Variants in IL1RAPL1 observed in about 807,000 individuals in gnomAD.
The protein encoded by IL1RAPL1 is interleukin 1 receptor accessory protein like 1, also known as interleukin-1 receptor accessory protein-like 1.
A neutral mutation model predicts 48.4 loss-of-function variants in IL1RAPL1; 3 were observed. The observed-to-expected ratio is 0.06, with a 90% CI of 0.03 to 0.16. The LOEUF is 0.16. IL1RAPL1 is among the 10% of genes least tolerant of loss of function. The probability of loss-of-function intolerance (pLI) is 1.00; values close to 1 mark genes in which losing one functional copy is unlikely to be tolerated. For synonymous variants in IL1RAPL1, 185 were observed against 187.7 expected, an observed-to-expected ratio of 0.99 and a Z score of 0.12; for missense variants, 349 against 530.6, an observed-to-expected ratio of 0.66 and a Z score of 3.36.
chrX:29,803,354 CATGT>C (rs1555922513), intron 6 of IL1RAPL1, among the ~76,000 whole-genome samples: 4 of 76,257 alleles, frequency 5.2e-5, no homozygotes, highest in East Asian at 4.4e-4. Flanking sequence ...TATATGTATA[CATGT>C]ATACACATAT....
chrX:29,126,374 T>G (rs1268102639), intron 2 of IL1RAPL1, among the ~76,000 whole-genome samples: 1 of 112,395 alleles, frequency 8.9e-6, no homozygotes, highest in Admixed American at 9.4e-5. Flanking sequence ...TTCTCAATAA[T>G]GTGCAGTATT....
At chrX:29,044,532 T>A (rs747221639) in intron 2 of IL1RAPL1, among the ~76,000 whole-genome samples, 1 of 111,540 alleles carries the variant, frequency 9.0e-6, no homozygotes, top group Non-Finnish European at 1.9e-5. Context: ...CTGTTTTTTT[T>A]AATCCCTAAT....
chrX:29,851,927 C>A (rs1028954296), intron 6 of IL1RAPL1, among the ~76,000 whole-genome samples: 1 of 112,775 alleles, frequency 8.9e-6, no homozygotes, highest in African/African-American at 3.2e-5. Flanking sequence ...TTATGGACTG[C>A]AGCAATCAGA....
intron 8 of IL1RAPL1, among the ~76,000 whole-genome samples, chrX:29,925,491 A>C (rs1932882635): frequency 1.1e-5 from 1 of 87,298 alleles, no homozygotes; most frequent in African/African-American, 4.6e-5. Flanking sequence ...GTCTAATAGC[A>C]CAAATTATCC....
intron 2 of IL1RAPL1, among the ~76,000 whole-genome samples, chrX:29,031,749 C>T (rs1409081578): frequency 9.0e-6 from 1 of 111,222 alleles, no homozygotes; most frequent in Non-Finnish European, 1.9e-5. Flanking sequence ...TCCTTTCATA[C>T]AATCATACGG....
At chrX:29,490,232 A>G (rs1161858304) in intron 5 of IL1RAPL1, among the ~76,000 whole-genome samples, 2 of 111,822 alleles carry the variant, frequency 1.8e-5, no homozygotes, top group Admixed American at 9.5e-5. Flanking sequence ...AAAGCCATAA[A>G]AAGGTAATTT....
At chrX:28,812,617 G>C (rs150172775) in intron 2 of IL1RAPL1, among the ~76,000 whole-genome samples, 1,892 of 110,925 alleles carry the variant, frequency 0.017, 45 homozygotes, top group African/African-American at 0.059. Flanking sequence ...AGGTAGAAGT[G>C]CCTGCTCTTC....
chrX:29,557,149 A>G (rs1287148617), intron 5 of IL1RAPL1, among the ~76,000 whole-genome samples: 3 of 111,917 alleles, frequency 2.7e-5, no homozygotes, highest in East Asian at 2.8e-4. Context: ...GCTGATGACA[A>G]TTAAGTTGTT....
intron 2 of IL1RAPL1, among the ~76,000 whole-genome samples, chrX:28,836,780 C>T (rs1921232168): frequency 9.1e-6 from 1 of 110,235 alleles, no homozygotes; most frequent in Non-Finnish European, 1.9e-5. Flanking sequence ...ACCACCACCA[C>T]CACCACCACT....
At chrX:29,151,074 T>G (rs1177968382) in intron 2 of IL1RAPL1, among the ~76,000 whole-genome samples, 1 of 111,535 alleles carries the variant, frequency 9.0e-6, no homozygotes, top group Admixed American at 9.5e-5. Flanking sequence ...TGTATCAGGC[T>G]CCTTCCACCA....
rs1383399309 is a variant in IL1RAPL1, at chrX:29,858,482, C to T, written c.779-58982C>T. ...AAGCCTGAAAAAGCCCAATGCCAGC[C>T]ATTTTTTATGGTTCATTGTGGCATA... On this transcript the variant is annotated intron_variant, in intron 6 of 10. Coordinates refer to ENST00000378993, the MANE Select transcript of IL1RAPL1 (RefSeq NM_014271.4). Among the ~76,000 whole-genome samples, 5 of 111,331 alleles carry T rather than the reference C, an allele frequency of 4.5e-5. No individual in the cohort carries two copies. The East Asian group carries it at 1.4e-3, about 32-fold the overall frequency.
chrX:29,491,076 G>A (rs1027111450), intron 5 of IL1RAPL1, among the ~76,000 whole-genome samples: 2 of 111,381 alleles, frequency 1.8e-5, no homozygotes, highest in African/African-American at 6.6e-5. Flanking sequence ...AAAACATGAT[G>A]CTTTCAAATA....
intron 5 of IL1RAPL1, among the ~76,000 whole-genome samples, chrX:29,666,397 C>T (rs954305335): frequency 2.5e-4 from 28 of 110,481 alleles, no homozygotes; most frequent in Non-Finnish European, 4.7e-4. Flanking sequence ...CCCCCAAACT[C>T]CACCTACTCA....
chrX:29,922,425 C>G (rs151015039), intron 8 of IL1RAPL1, among the ~76,000 whole-genome samples: 1 of 111,081 alleles, frequency 9.0e-6, no homozygotes, highest in African/African-American at 3.3e-5. Context: ...ATTAACAAGC[C>G]AAAAAAAGGT....
chrX:29,756,421 C>CT lies in IL1RAPL1; in HGVS notation c.778+87925dup, dbSNP rs1312164099. Among the ~76,000 whole-genome samples, 6 of 110,650 alleles carry CT rather than the reference C, an allele frequency of 5.4e-5. No individual in the cohort carries two copies. The East Asian group carries it at 1.1e-3, about 21-fold the overall frequency. On this transcript the variant is annotated intron_variant, in intron 6 of 10. Coordinates refer to ENST00000378993, the MANE Select transcript of IL1RAPL1 (RefSeq NM_014271.4). ...CTAAATAAGCATATATCACCTTTCT[C>CT]TTTTTTTTGAGACGGAGTTTCACTC...
At chrX:29,005,942 T>C (rs1169666606) in intron 2 of IL1RAPL1, among the ~76,000 whole-genome samples, 2 of 112,137 alleles carry the variant, frequency 1.8e-5, no homozygotes, top group African/African-American at 6.5e-5. Flanking sequence ...TCTAAATAGA[T>C]CTTACTTATA....
rs752964781 is a variant in IL1RAPL1, at chrX:28,818,373, T to G, written c.82+28948T>G. Among the ~76,000 whole-genome samples the G allele has an allele frequency of 6.3e-5, 7 of 110,628 alleles. 1 individual carries two copies. The South Asian group carries it at 1.9e-3, about 30-fold the overall frequency. On this transcript the variant is annotated intron_variant, in intron 2 of 10. Transcript: ENST00000378993. The stretch of plus-strand genomic sequence containing the variant: ...GAATTTGTAATTTGTTTGCAGTGTA[T>G]CCCAATTAAGAGCGTGGAAAATCTC...
chrX:29,885,695 C>T (rs746213192), intron 6 of IL1RAPL1, among the ~76,000 whole-genome samples: 1 of 111,032 alleles, frequency 9.0e-6, no homozygotes, highest in Non-Finnish European at 1.9e-5. Flanking sequence ...GGCATGCACC[C>T]GTAGTCCGAG....
intron 5 of IL1RAPL1, among the ~76,000 whole-genome samples, chrX:29,427,311 G>A (rs760780059): frequency 3.0e-4 from 34 of 112,297 alleles, no homozygotes; most frequent in Admixed American, 1.4e-3. Flanking sequence ...GGACAGCCCA[G>A]AGGTGTGACA....
Sources: allele counts gnomAD v4.1 joint callset (sites outside exome capture counted in the v4.1 genomes callset), GRCh38; gene constraint gnomAD v4.1.1; transcripts MANE v1.5; gene names NCBI Gene and HGNC (gene_info 2026-07-23, HGNC 2026-07-21).